The following RANBP17 variants were observed in gnomAD, a reference collection of about 807,000 sequenced individuals.
RANBP17 encodes the protein ran-binding protein 17.
In RANBP17, 158 loss-of-function variants were observed where a neutral mutation model predicts 141.2. That is an observed-to-expected ratio of 1.12 (90% CI 0.98 to 1.28). The LOEUF (loss-of-function observed/expected upper bound fraction) is 1.28, where lower values mean the gene tolerates loss of function less well. RANBP17 is among the 50% of genes most tolerant of loss of function. RANBP17 has a pLI of 0.00. For missense variants in RANBP17, 1,438 were observed against 1,290.7 expected, an observed-to-expected ratio of 1.11 and a Z score of -1.75; for synonymous variants, 430 against 450.0, an observed-to-expected ratio of 0.96 and a Z score of 0.56.
rs114334771 is a variant in RANBP17, at chr5:170,907,670, G to A, written c.490-1991G>A. Among the ~76,000 whole-genome samples the A allele has an allele frequency of 7.5e-3, 1,137 of 152,002 alleles. 13 individuals carry two copies. Among genetic ancestry groups the A allele is most frequent in the African/African-American group, 0.026 (1,076 of 41,520 alleles). ...AATCATCCTTTATTTCAAAACTCAT[G>A]TGTTTTAAAAAGATAAAATGTATCT... On this transcript the variant is annotated intron_variant, in intron 5 of 27. Transcript: ENST00000523189.
chr5:171,116,484 T>C (rs932889844), intron 14 of RANBP17, among the ~76,000 whole-genome samples: 1 of 152,228 alleles, frequency 6.6e-6, no homozygotes, highest in Non-Finnish European at 1.5e-5. Flanking sequence ...ACTGTCTTAC[T>C]AGCCTGTTGA....
rs1760976881 is a variant in RANBP17 at position 171,183,171 on chromosome 5, A to G, written c.1870A>G (p.Ile624Val). The G allele has an allele frequency of 6.7e-7, 1 of 1,502,390 alleles. No homozygotes were observed. The highest frequency in any genetic ancestry group is 9.3e-7 in the Non-Finnish European group (1 of 1,078,530). 93.1% of individuals were successfully genotyped at this position (1,502,390 alleles called of 1,614,324 possible). ...QFLNDLSVGYILLKKLVKIDA... is the reference protein window; with the variant it reads ...QFLNDLSVGYVLLKKLVKIDA... ...AGATTCCTTAACTTCTATTACTTAT[A>G]TCCTTTTAAAAAAACTTGTGAAGAT... The change falls in exon 17 of 28, where the codon ATC becomes GTC. Residue 624 changes from isoleucine (I) to valine (V), a missense_variant. Coordinates refer to ENST00000523189, the MANE Select transcript of RANBP17 (RefSeq NM_022897.5).
intron 12 of RANBP17, among the ~76,000 whole-genome samples, chr5:170,949,169 T>C (rs1775006940): frequency 6.6e-6 from 1 of 152,072 alleles, no homozygotes; most frequent in South Asian, 2.1e-4. Context: ...ATTTCTTAGA[T>C]ATGACACCTG....
intron 1 of RANBP17, 124 bp downstream of exon 1, chr5:170,862,175 G>C (rs1766843554): frequency 9.8e-7 from 1 of 1,025,568 alleles, no homozygotes; most frequent in Admixed American, 4.2e-5. Context: ...TGTCCCCGGA[G>C]TCCCAGCCCC....
At chr5:170,866,012 G>T (rs1482731915) in intron 1 of RANBP17, among the ~76,000 whole-genome samples, 1 of 152,100 alleles carries the variant, frequency 6.6e-6, no homozygotes, top group Non-Finnish European at 1.5e-5. Flanking sequence ...TCATTATACA[G>T]GGTTTTTACT....
intron 24 of RANBP17, among the ~76,000 whole-genome samples, chr5:171,260,071 G>A (rs1766191481): frequency 6.7e-6 from 1 of 148,730 alleles, no homozygotes; most frequent in Non-Finnish European, 1.5e-5. Flanking sequence ...AGGCCCAAGT[G>A]GGCAGATCAC....
chr5:170,972,713 A>C (rs1777082589), intron 14 of RANBP17, among the ~76,000 whole-genome samples: 1 of 152,156 alleles, frequency 6.6e-6, no homozygotes, highest in Non-Finnish European at 1.5e-5. Flanking sequence ...TGTGAAGATA[A>C]ATAGTAGAAT....
intron 14 of RANBP17, among the ~76,000 whole-genome samples, chr5:171,000,366 T>C (rs1270005122): frequency 1.3e-5 from 2 of 152,148 alleles, no homozygotes; most frequent in African/African-American, 4.8e-5. Flanking sequence ...GGATTCGAGT[T>C]TCTCCACATC....
At chr5:171,012,693 C>T (rs1168381886) in intron 14 of RANBP17, among the ~76,000 whole-genome samples, 2 of 152,074 alleles carry the variant, frequency 1.3e-5, no homozygotes, top group Non-Finnish European at 2.9e-5. Context: ...TTGTTTAAGT[C>T]ATTATTTGCT....
chr5:171,229,686 C>T (rs905497655), intron 22 of RANBP17, among the ~76,000 whole-genome samples: 1 of 148,620 alleles, frequency 6.7e-6, no homozygotes, highest in African/African-American at 2.5e-5. Flanking sequence ...TGAGCCACTG[C>T]GCCTGGCTGA....
chr5:171,223,816 G>A (rs1039390516), intron 22 of RANBP17, among the ~76,000 whole-genome samples: 1 of 151,954 alleles, frequency 6.6e-6, no homozygotes, highest in African/African-American at 2.4e-5. Context: ...AAACAGCATG[G>A]TATATTAGAA....
At chr5:171,206,142 G>GA (rs76562650) in intron 20 of RANBP17, 8,245 of 143,114 alleles carry the variant, frequency 0.058, 277 homozygotes, top group Non-Finnish European at 0.083. Context: ...GTACAGACAG[G>GA]AAAAAAAAAA....
At chr5:171,064,967 T>G (rs187324632) in intron 14 of RANBP17, among the ~76,000 whole-genome samples, 1 of 152,378 alleles carries the variant, frequency 6.6e-6, no homozygotes, top group East Asian at 1.9e-4. Flanking sequence ...CCTTTGATTT[T>G]GTTAATGAGT....
chr5:171,254,242 G>C (rs1765749020), intron 24 of RANBP17, among the ~76,000 whole-genome samples: 1 of 101,284 alleles, frequency 9.9e-6, no homozygotes, highest in Non-Finnish European at 2.1e-5. Context: ...GCGAGACTCT[G>C]TCTCAAAAAA....
intron 5 of RANBP17, among the ~76,000 whole-genome samples, chr5:170,900,544 TC>T (rs1561870096): frequency 6.6e-6 from 1 of 152,116 alleles, no homozygotes; most frequent in East Asian, 1.9e-4. Flanking sequence ...TTATTTCTTG[TC>T]TTCAGCTAGC....
intron 14 of RANBP17, among the ~76,000 whole-genome samples, chr5:171,033,975 G>T (rs1781711469): frequency 6.6e-6 from 1 of 152,134 alleles, no homozygotes; most frequent in African/African-American, 2.4e-5. Flanking sequence ...AGCTGGGCAT[G>T]GTGGCGCATT....
chr5:170,983,301 G>C (rs1245356658), intron 14 of RANBP17: 1 of 252,936 alleles, frequency 4.0e-6, no homozygotes, highest in Non-Finnish European at 7.6e-6. Context: ...ATTACTTGCT[G>C]TCTTGGACCA....
chr5:171,150,333 A>T (rs1758381589), intron 14 of RANBP17, among the ~76,000 whole-genome samples: 1 of 152,088 alleles, frequency 6.6e-6, no homozygotes, highest in Admixed American at 6.6e-5. Flanking sequence ...CAAAGTTTAA[A>T]TTGTCTAAAT....
At chr5:171,282,521 C>T (rs1436644905) in intron 25 of RANBP17, among the ~76,000 whole-genome samples, 1 of 152,006 alleles carries the variant, frequency 6.6e-6, no homozygotes, top group African/African-American at 2.4e-5. Flanking sequence ...TTCTGTCGCC[C>T]AGGCTGGAGT....
Sources: gnomAD v4.1 joint callset for allele counts (sites outside exome capture counted in the v4.1 genomes callset) on GRCh38, gnomAD v4.1.1 for gene constraint, MANE v1.5 for transcripts, NCBI Gene and HGNC (gene_info 2026-07-23, HGNC 2026-07-21) for gene names.